DDX17: variants seen among roughly 807,000 people sequenced by gnomAD.
The protein encoded by DDX17 is DEAD-box helicase 17, also known as probable ATP-dependent RNA helicase DDX17.
DDX17 carries 10 observed loss-of-function variants against 80.8 expected under a neutral mutation model. The observed-to-expected ratio is 0.12, with a 90% CI of 0.08 to 0.21. DDX17 has a LOEUF of 0.21. DDX17 is among the 10% of genes least tolerant of loss of function. DDX17 has a pLI of 1.00. For synonymous variants in DDX17, 339 were observed against 336.2 expected (o/e 1.01, Z -0.09); for missense variants, 586 against 957.4 (o/e 0.61, Z 5.12).
intron 6 of DDX17, 44 bp from the exon 7 acceptor site, chr22:38,495,090 T>C (rs758938776): frequency 4.4e-6 from 7 of 1,582,742 alleles, no homozygotes; most frequent in Non-Finnish European, 5.1e-6. Context: ...CTAGGTGCAG[T>C]GGCTCACAGC....
chr22:38,496,024 A>C, intron 5 of DDX17, 87 bp from the exon 6 acceptor site: 2 of 1,249,094 alleles, frequency 1.6e-6, no homozygotes, highest in Non-Finnish European at 2.1e-6. Context: ...CAAAAAGCTA[A>C]TTTAATTCTT....
chr22:38,491,703 CTTA>C, intron 11 of DDX17: 1 of 215,838 alleles, frequency 4.6e-6, no homozygotes, highest in Non-Finnish European at 9.1e-6. Flanking sequence ...TTTCGTCAGG[CTTA>C]TTCTATCCAG....
At chr22:38,487,789 CCTT>C in intron 12 of DDX17, 87 bp downstream of exon 12, 1 of 1,337,080 alleles carries the variant, frequency 7.5e-7, no homozygotes, top group Non-Finnish European at 1.1e-6. Flanking sequence ...ATACTTACAG[CCTT>C]CTTAAAAACA....
At chr22:38,495,572 C>T (rs145252036) in intron 6 of DDX17, among the ~76,000 whole-genome samples, 2,142 of 152,218 alleles carry the variant, frequency 0.014, 24 homozygotes, top group Non-Finnish European at 0.023. Context: ...ACAAAGTAAC[C>T]GCAAAACCAT....
At position 38,487,997 on chromosome 22, in the gene DDX17, G is replaced by A. The variant is rs2089677489; in HGVS notation, c.1566C>T (p.Phe522=). The A allele has an allele frequency of 1.2e-6, 2 of 1,614,224 alleles. No individual in the cohort carries two copies. Among genetic ancestry groups the A allele is most frequent in the Non-Finnish European group, 8.5e-7 (1 of 1,180,032 alleles). Residue 522 remains phenylalanine (F), a synonymous_variant, in exon 12 of 13, where the codon TTC becomes TTT. Coordinates refer to ENST00000403230, the MANE Select transcript of DDX17 (RefSeq NM_006386.5). Reference sequence around the variant, plus strand: ...TGGCCTGTTTTAGGTTCCCTGGGGTGAAGAAGGTATAGGCGGTACCCTTGT... The same window carrying A: ...TGGCCTGTTTTAGGTTCCCTGGGGTAAAGAAGGTATAGGCGGTACCCTTGT...
chr22:38,502,063 T>A (rs2089836202), intron 1 of DDX17, among the ~76,000 whole-genome samples: 1 of 152,248 alleles, frequency 6.6e-6, no homozygotes, highest in Non-Finnish European at 1.5e-5. Flanking sequence ...AAAGCAAAAC[T>A]GGGTCTTGGA....
chr22:38,495,514 G>A (rs904197734), intron 6 of DDX17, among the ~76,000 whole-genome samples: 1 of 152,060 alleles, frequency 6.6e-6, no homozygotes, highest in Non-Finnish European at 1.5e-5. Flanking sequence ...CAAAGTGCTG[G>A]GATTACAGGC....
intron 1 of DDX17, among the ~76,000 whole-genome samples, chr22:38,504,995 T>G (rs559634278): frequency 4.4e-4 from 67 of 152,106 alleles, no homozygotes; most frequent in African/African-American, 1.6e-3. Flanking sequence ...TGCAACCTCC[T>G]CCCCCCGGGT....
rs542354918 is a variant in DDX17, at chr22:38,486,979, C to G, written c.1685-539G>C. On this transcript the variant is annotated intron_variant, in intron 12 of 12. Coordinates refer to ENST00000403230, the MANE Select transcript of DDX17 (RefSeq NM_006386.5). ...CTTGAGGTCAGCAGTTCAAGACCAGCCAACATGGTGAAACCCTGTCTCTAC... is the reference window on the plus strand; with the variant it reads ...CTTGAGGTCAGCAGTTCAAGACCAGGCAACATGGTGAAACCCTGTCTCTAC... Among the ~76,000 whole-genome samples, 25 of 152,290 alleles carry G rather than the reference C, an allele frequency of 1.6e-4. No homozygotes were observed. The South Asian group carries it at 5.2e-3, about 32-fold the overall frequency.
At chr22:38,500,208 T>G (rs916257346) in intron 2 of DDX17, among the ~76,000 whole-genome samples, 2 of 149,002 alleles carry the variant, frequency 1.3e-5, no homozygotes, top group Non-Finnish European at 1.5e-5. Context: ...TCTTTTTCAC[T>G]AACAGATGAA....
chr22:38,501,373 G>A, intron 1 of DDX17, 93 bp from the exon 2 acceptor site: 1 of 1,403,862 alleles, frequency 7.1e-7, no homozygotes, highest in Non-Finnish European at 9.5e-7. Flanking sequence ...GAGTTCTAGG[G>A]ATACTACCAG....
Position 38,505,970 on chromosome 22 carries a change from G to C in DDX17, c.268C>G (p.Arg90Gly). 1 of 1,536,822 alleles carries C rather than the reference G, an allele frequency of 6.5e-7. No homozygotes were observed. Among genetic ancestry groups the C allele is most frequent in the Non-Finnish European group, 8.8e-7 (1 of 1,139,266 alleles). ...CCTTACCCTCCACGGTCACGATCCC[G>C]GTCCCGGTCCCCAAAGCCTCCTCCG... The change falls in exon 1 of 13, where the codon CGG becomes GGG. Residue 90 changes from arginine to glycine, a missense_variant. Coordinates refer to ENST00000403230, the MANE Select transcript of DDX17 (RefSeq NM_006386.5).
chr22:38,498,868 T>C (rs1336459106), intron 3 of DDX17, among the ~76,000 whole-genome samples: 1 of 152,078 alleles, frequency 6.6e-6, no homozygotes, highest in African/African-American at 2.4e-5. Context: ...ATACAAAAAT[T>C]AGCCAGAGTG....
chr22:38,498,032 G>T (rs894637124), intron 5 of DDX17, 53 bp downstream of exon 5: 14 of 1,547,430 alleles, frequency 9.0e-6, no homozygotes, highest in Non-Finnish European at 1.2e-5. Context: ...AGCCTAAATA[G>T]TCGCTAAATT....
At chr22:38,498,854 A>G (rs1234924840) in intron 3 of DDX17, among the ~76,000 whole-genome samples, 1 of 152,136 alleles carries the variant, frequency 6.6e-6, no homozygotes, top group Non-Finnish European at 1.5e-5. Flanking sequence ...TGTCTCTACT[A>G]AAAATACAAA....
intron 12 of DDX17, among the ~76,000 whole-genome samples, chr22:38,487,233 TC>T (rs2089669253): frequency 6.6e-6 from 1 of 151,952 alleles, no homozygotes; most frequent in South Asian, 2.1e-4. Context: ...GGTGGCTCAC[TC>T]CTGTAATCTC....
chr22:38,493,607 T>G (rs1370583935), intron 10 of DDX17, 103 bp downstream of exon 10: 2 of 887,376 alleles, frequency 2.3e-6, no homozygotes, highest in African/African-American at 1.7e-5. Context: ...ACTTACTATG[T>G]GGCCCTTTAC....
chr22:38,484,857 TG>T lies in DDX17; in HGVS notation c.*1077del, dbSNP rs1164965789. 2.0e-5 allele frequency: 3 copies of T among 152,220 alleles called. No individual in the cohort carries two copies. The highest frequency in any genetic ancestry group is 6.5e-5 in the Admixed American group (1 of 15,282). 9.4% of individuals were successfully genotyped at this position (152,220 alleles called of 1,614,324 possible). ...AGAAAGCACTGCAGAGAACAGGGTATGAAGAAAATAAAGAGTTCTTAATAAA... is the reference window on the plus strand; with the variant it reads ...AGAAAGCACTGCAGAGAACAGGGTATAAGAAAATAAAGAGTTCTTAATAAA... On this transcript the variant is annotated 3_prime_UTR_variant, in exon 13 of 13. Coordinates refer to ENST00000403230, the MANE Select transcript of DDX17 (RefSeq NM_006386.5).
intron 6 of DDX17, 40 bp downstream of exon 6, chr22:38,495,756 T>C: frequency 7.0e-7 from 1 of 1,431,110 alleles, no homozygotes; most frequent in Non-Finnish European, 9.3e-7. Context: ...ATTGGTAAAG[T>C]AAGATAAACT....
Sources: gnomAD v4.1 joint callset for allele counts (sites outside exome capture counted in the v4.1 genomes callset) on GRCh38, gnomAD v4.1.1 for gene constraint, MANE v1.5 for transcripts, NCBI Gene and HGNC (gene_info 2026-07-23, HGNC 2026-07-21) for gene names.